Variants in KCNH1 observed in about 807,000 individuals in gnomAD.
KCNH1 encodes voltage-gated delayed rectifier potassium channel KCNH1.
A neutral mutation model predicts 69.2 loss-of-function variants in KCNH1; 27 were observed. That is an observed-to-expected ratio of 0.39 (90% CI 0.29 to 0.54). The LOEUF is 0.54. Among genes scored for constraint, KCNH1 ranks in the 20% least tolerant of loss-of-function variants. The pLI is 0.68. For missense variants in KCNH1, 798 were observed against 1,261.6 expected (o/e 0.63, Z 5.57); for synonymous variants, 456 against 487.7 (o/e 0.93, Z 0.86).
chr1:210,683,756 G>A lies in KCNH1; in HGVS notation c.2495C>T (p.Ala832Val). Reference protein sequence around the residue: ...LGPKGGGGDCAKRKSWARFKD... With the variant: ...LGPKGGGGDCVKRKSWARFKD... Reference sequence around the variant, plus strand: ...GAAGCGGGCCCAGCTTTTGCGCTTGGCACAATCGCCCCCGCCCCCCTTGGG... The same window carrying A: ...GAAGCGGGCCCAGCTTTTGCGCTTGACACAATCGCCCCCGCCCCCCTTGGG... Residue 832 changes from alanine to valine, a missense_variant, in exon 11 of 11, where the codon GCC becomes GTC. Physicochemically the swap from Ala to Val is moderately conservative, Grantham distance 64. This residue lies in a region of KCNH1 where 331 missense variants were observed against 363.2 expected (regional missense o/e 0.91). Coordinates refer to ENST00000271751, the MANE Select transcript of KCNH1 (RefSeq NM_172362.3). This position sits in a 1 kb window ranked among gnomAD's most constrained non-coding sequence, Gnocchi z 5.7. The A allele has an allele frequency of 1.2e-6, 2 of 1,613,970 alleles. No individual in the cohort carries two copies. The highest frequency in any genetic ancestry group is 1.7e-6 in the Non-Finnish European group (2 of 1,180,042).
intron 6 of KCNH1, among the ~76,000 whole-genome samples, chr1:210,990,992 G>A (rs1320087056): frequency 6.6e-6 from 1 of 152,044 alleles, no homozygotes; most frequent in Non-Finnish European, 1.5e-5. Context: ...CTCTCTAAAG[G>A]CCCTTACTTT....
intron 7 of KCNH1, among the ~76,000 whole-genome samples, chr1:210,868,321 T>C (rs1014302586): frequency 3.3e-5 from 5 of 152,038 alleles, no homozygotes; most frequent in African/African-American, 1.2e-4. Flanking sequence ...AAGTTTTTTT[T>C]AATACATTCT....
intron 9 of KCNH1, among the ~76,000 whole-genome samples, chr1:210,781,194 C>T (rs1683975080): frequency 6.6e-6 from 1 of 152,162 alleles, no homozygotes; most frequent in Non-Finnish European, 1.5e-5. Flanking sequence ...CATTTGGCAG[C>T]AAACTCACCT....
chr1:210,783,626 G>A (rs2102382291), intron 9 of KCNH1, among the ~76,000 whole-genome samples: 1 of 152,284 alleles, frequency 6.6e-6, no homozygotes, highest in Admixed American at 6.5e-5. Context: ...CTCCTGGCAG[G>A]AATAAGGATG....
At chr1:211,104,812 TA>T (rs1691323547) in intron 2 of KCNH1, among the ~76,000 whole-genome samples, 1 of 152,232 alleles carries the variant, frequency 6.6e-6, no homozygotes, top group Admixed American at 6.5e-5. Context: ...AATGTCACTG[TA>T]AAGTAAATAT....
intron 1 of KCNH1, among the ~76,000 whole-genome samples, chr1:211,130,742 A>C (rs1015383989): frequency 3.3e-5 from 5 of 152,190 alleles, no homozygotes; most frequent in Non-Finnish European, 5.9e-5. Context: ...CTACTAGCTT[A>C]TGAGGATCAA....
intron 7 of KCNH1, among the ~76,000 whole-genome samples, chr1:210,820,891 C>T (rs966063641): frequency 2.6e-5 from 4 of 152,132 alleles, no homozygotes; most frequent in African/African-American, 9.7e-5. Flanking sequence ...GATTCTTCCC[C>T]TGAAGCCTCC....
At chr1:211,063,992 AAC>A (rs1478097048) in intron 5 of KCNH1, among the ~76,000 whole-genome samples, 1 of 152,190 alleles carries the variant, frequency 6.6e-6, no homozygotes, top group African/African-American at 2.4e-5. Flanking sequence ...TTAAAAATAA[AAC>A]AGTTTTAAGT....
intron 7 of KCNH1, among the ~76,000 whole-genome samples, chr1:210,896,878 CA>C (rs1038447259): frequency 1.3e-5 from 2 of 152,166 alleles, no homozygotes; most frequent in African/African-American, 4.8e-5. Context: ...TGTACAGTTA[CA>C]AAATGCCATC....
chr1:210,858,980 C>A, intron 7 of KCNH1: 102 of 411,854 alleles, frequency 2.5e-4, no homozygotes, highest in Non-Finnish European at 2.6e-4. Flanking sequence ...CCCCCAAAAT[C>A]CCACTGGTTT....
intron 5 of KCNH1, among the ~76,000 whole-genome samples, chr1:211,068,373 A>T (rs1690571752): frequency 6.6e-6 from 1 of 152,182 alleles, no homozygotes; most frequent in African/African-American, 2.4e-5. Flanking sequence ...CAAAGTAAAA[A>T]GCTGAACAAT....
chr1:210,775,382 C>T lies in KCNH1; in HGVS notation c.2078G>A (p.Arg693Gln). Reference protein sequence around the residue: ...FYTAFSHSFSRNLILTYNLRK... With the variant: ...FYTAFSHSFSQNLILTYNLRK... ...CAAGTTGTACGTCAGAATCAGGTTC[C>T]GGGAGAAGGAATGGGAGAAGGCCGT... Residue 693 changes from arginine (R) to glutamine (Q), a missense_variant, in exon 10 of 11, where the codon CGG (arginine) becomes CAG (glutamine). Arg to Gln is a conservative substitution (Grantham distance 43). Transcript: ENST00000271751. The T allele has an allele frequency of 1.2e-6, 2 of 1,614,038 alleles. No homozygotes were observed. The highest frequency in any genetic ancestry group is 1.7e-6 in the Non-Finnish European group (2 of 1,179,970).
At chr1:210,899,487 TGA>T (rs1273533879) in intron 7 of KCNH1, among the ~76,000 whole-genome samples, 1 of 112,386 alleles carries the variant, frequency 8.9e-6, no homozygotes, top group African/African-American at 5.2e-5. Flanking sequence ...ATCTCACTTA[TGA>T]GATATATATA....
chr1:210,841,316 G>A (rs999544014), intron 7 of KCNH1, among the ~76,000 whole-genome samples: 1 of 152,160 alleles, frequency 6.6e-6, no homozygotes, highest in African/African-American at 2.4e-5. Context: ...AAGGCCCCCT[G>A]TAAGATCCAG....
chr1:210,770,055 C>G (rs1050989954), intron 10 of KCNH1, among the ~76,000 whole-genome samples: 6 of 152,158 alleles, frequency 3.9e-5, no homozygotes, highest in Admixed American at 1.3e-4. Context: ...TTTGCAGAGA[C>G]ATGGATGAAG....
intron 6 of KCNH1, among the ~76,000 whole-genome samples, chr1:210,973,877 A>AT (rs879778004): frequency 4.5e-4 from 69 of 152,130 alleles, no homozygotes; most frequent in Non-Finnish European, 7.2e-4. Context: ...GGCACATGGG[A>AT]TTTTTTTCCT....
chr1:210,861,630 C>A, intron 7 of KCNH1: 1 of 770,822 alleles, frequency 1.3e-6, no homozygotes, highest in Non-Finnish European at 2.4e-6. Flanking sequence ...AGAGTATATA[C>A]TGAACAAGAG....
At chr1:210,961,848 G>GA (rs56737443) in intron 6 of KCNH1, among the ~76,000 whole-genome samples, 2,508 of 147,748 alleles carry the variant, frequency 0.017, 66 homozygotes, top group African/African-American at 0.059. Context: ...CAAAAAAAAA[G>GA]AAAAAAAAAA....
chr1:211,011,797 C>G (rs1689400632), intron 6 of KCNH1, among the ~76,000 whole-genome samples: 1 of 152,248 alleles, frequency 6.6e-6, no homozygotes, highest in Admixed American at 6.5e-5. Context: ...ACAGTCCCGT[C>G]TTCCATGTGA....
Sources: gnomAD v4.1 joint callset for allele counts (sites outside exome capture counted in the v4.1 genomes callset) on GRCh38, gnomAD v4.1.1 for gene constraint, gnomAD v4.1.1 regional missense constraint, Gnocchi (gnomAD v3.1) non-coding constraint, MANE v1.5 for transcripts, NCBI Gene and HGNC (gene_info 2026-07-23, HGNC 2026-07-21) for gene names.